ARHGEF3: variants seen among roughly 807,000 people sequenced by gnomAD.
The protein encoded by ARHGEF3 is Rho guanine nucleotide exchange factor 3.
ARHGEF3 carries 28 observed loss-of-function variants against 63.2 expected under a neutral mutation model. That is an observed-to-expected ratio of 0.44 (90% confidence interval 0.33 to 0.61). The LOEUF (loss-of-function observed/expected upper bound fraction) is 0.61, where lower values mean the gene tolerates loss of function less well. ARHGEF3 is among the 20% of genes least tolerant of loss of function. ARHGEF3 has a pLI of 0.03. For missense variants in ARHGEF3, 533 were observed against 659.3 expected, an observed-to-expected ratio of 0.81 and a Z score of 2.10; for synonymous variants, 266 against 254.2, an observed-to-expected ratio of 1.05 and a Z score of -0.44.
intron 3 of ARHGEF3, among the ~76,000 whole-genome samples, chr3:56,915,297 C>A (rs2041958522): frequency 6.0e-5 from 1 of 16,786 alleles, no homozygotes; most frequent in African/African-American, 1.2e-4. Flanking sequence ...CCCACGTCTC[C>A]ACAAAAAAAA....
intron 2 of ARHGEF3, among the ~76,000 whole-genome samples, chr3:57,033,572 CTT>C (rs1703823229): frequency 6.6e-6 from 1 of 151,766 alleles, no homozygotes; most frequent in Non-Finnish European, 1.5e-5. Flanking sequence ...GAAAGAGTGA[CTT>C]TTGTTCTACG....
intron 4 of ARHGEF3, among the ~76,000 whole-genome samples, chr3:56,853,129 A>C (rs918803473): frequency 1.3e-5 from 2 of 152,000 alleles, no homozygotes; most frequent in African/African-American, 2.4e-5. Context: ...TCAATTCAGC[A>C]CCCTCCTGTA....
intron 2 of ARHGEF3, among the ~76,000 whole-genome samples, chr3:56,977,027 T>G (rs1029147208): frequency 2.6e-5 from 4 of 152,062 alleles, no homozygotes; most frequent in Admixed American, 6.6e-5. Context: ...TTTATGAGGA[T>G]TAACTCATTT....
At chr3:56,965,293 T>C (rs1465480708) in intron 2 of ARHGEF3, among the ~76,000 whole-genome samples, 1 of 152,164 alleles carries the variant, frequency 6.6e-6, no homozygotes, top group South Asian at 2.1e-4. Flanking sequence ...ATGTTATCAA[T>C]AGTTTTATGG....
intron 1 of ARHGEF3, among the ~76,000 whole-genome samples, chr3:57,076,186 C>G (rs564671896): frequency 1.3e-5 from 2 of 151,976 alleles, no homozygotes; most frequent in Non-Finnish European, 2.9e-5. Flanking sequence ...AGCCCCTACC[C>G]ACCCCCACCT....
At chr3:56,795,492 G>T (rs1371936702) in intron 1 of ARHGEF3, among the ~76,000 whole-genome samples, 4 of 152,082 alleles carry the variant, frequency 2.6e-5, no homozygotes, top group African/African-American at 9.7e-5. Flanking sequence ...TCAATTAACT[G>T]AAATTTACTA....
chr3:56,823,602 G>A (rs1019021622), intron 4 of ARHGEF3, among the ~76,000 whole-genome samples: 1 of 152,104 alleles, frequency 6.6e-6, no homozygotes, highest in Non-Finnish European at 1.5e-5. Flanking sequence ...CAGATGGGAG[G>A]TTATCTTGAT....
chr3:56,741,874 C>T (rs1449748121), intron 7 of ARHGEF3, among the ~76,000 whole-genome samples: 1 of 152,144 alleles, frequency 6.6e-6, no homozygotes, highest in Non-Finnish European at 1.5e-5. Context: ...CAGTAGGCTG[C>T]CAATAGCCAG....
At chr3:56,740,024 T>A (rs553518245) in intron 7 of ARHGEF3, among the ~76,000 whole-genome samples, 1 of 151,986 alleles carries the variant, frequency 6.6e-6, no homozygotes, top group Non-Finnish European at 1.5e-5. Flanking sequence ...CTCAGCCTCC[T>A]GAGTAGCTGG....
chr3:56,741,175 G>A (rs1287988156), intron 7 of ARHGEF3, among the ~76,000 whole-genome samples: 1 of 142,076 alleles, frequency 7.0e-6, no homozygotes, highest in Non-Finnish European at 1.5e-5. Flanking sequence ...TTATCTCTCT[G>A]CTTTGGTTCT....
At chr3:57,053,725 G>A (rs1704778626) in intron 1 of ARHGEF3, among the ~76,000 whole-genome samples, 2 of 152,202 alleles carry the variant, frequency 1.3e-5, no homozygotes, top group Admixed American at 1.3e-4. Flanking sequence ...TCATTTGCCT[G>A]TGTCTGAAAT....
At chr3:56,929,803 T>C (rs796156368) in intron 3 of ARHGEF3, among the ~76,000 whole-genome samples, 24 of 152,334 alleles carry the variant, frequency 1.6e-4, no homozygotes, top group African/African-American at 5.8e-4. Flanking sequence ...ACAGGATGAC[T>C]GTTCTTGAAG....
At chr3:56,817,367 C>G (rs1486934164) in intron 4 of ARHGEF3, among the ~76,000 whole-genome samples, 1 of 152,144 alleles carries the variant, frequency 6.6e-6, no homozygotes, top group Non-Finnish European at 1.5e-5. Flanking sequence ...AGGAACCAAC[C>G]AACCAGTTGG....
chr3:56,804,596 T>C (rs1476117972), upstream of ARHGEF3, among the ~76,000 whole-genome samples: 1 of 151,980 alleles, frequency 6.6e-6, no homozygotes, highest in Non-Finnish European at 1.5e-5. Context: ...TGGGTGGAGG[T>C]TCCAACTGAA....
At chr3:57,057,617 A>G (rs1406563413) in intron 1 of ARHGEF3, among the ~76,000 whole-genome samples, 1 of 152,010 alleles carries the variant, frequency 6.6e-6, no homozygotes, top group Non-Finnish European at 1.5e-5. Flanking sequence ...ACCCACACCC[A>G]CACCCCCACA....
chr3:56,976,344 A>T (rs1688513469), intron 2 of ARHGEF3, among the ~76,000 whole-genome samples: 2 of 152,074 alleles, frequency 1.3e-5, no homozygotes, highest in African/African-American at 4.8e-5. Flanking sequence ...CATCCGGTCA[A>T]TTCATGTTTT....
chr3:57,021,331 G>A (rs960103281), intron 2 of ARHGEF3, among the ~76,000 whole-genome samples: 3 of 152,022 alleles, frequency 2.0e-5, no homozygotes, highest in Non-Finnish European at 4.4e-5. Flanking sequence ...AACAAGAATG[G>A]AATGAAACTT....
At chr3:56,782,616 G>A (rs2036612347) in intron 1 of ARHGEF3, among the ~76,000 whole-genome samples, 1 of 149,620 alleles carries the variant, frequency 6.7e-6, no homozygotes, top group South Asian at 2.1e-4. Flanking sequence ...ATTAAGATAA[G>A]GTGCTATGAG....
intron 4 of ARHGEF3, among the ~76,000 whole-genome samples, chr3:56,862,566 G>A (rs2040113153): frequency 1.3e-5 from 2 of 152,180 alleles, no homozygotes; most frequent in African/African-American, 2.4e-5. Context: ...GAACCCCCAT[G>A]CCAATGTGCA....
Sources: gnomAD v4.1 joint callset for allele counts (sites outside exome capture counted in the v4.1 genomes callset) on GRCh38, gnomAD v4.1.1 for gene constraint, MANE v1.5 for transcripts, NCBI Gene and HGNC (gene_info 2026-07-23, HGNC 2026-07-21) for gene names.